The following PCDHA12 variants were observed in gnomAD, a reference collection of about 807,000 sequenced individuals.
PCDHA12 encodes the protein protocadherin alpha 12.
PCDHA12 carries 44 observed loss-of-function variants against 60.0 expected under a neutral mutation model. The ratio of observed to expected loss-of-function variants is 0.73; its 90% CI spans 0.58 to 0.94. The LOEUF (loss-of-function observed/expected upper bound fraction) is 0.94. PCDHA12 is among the 40% of genes least tolerant of loss of function. PCDHA12 has a pLI of 0.00. For missense variants in PCDHA12, 1,276 were observed against 1,239.7 expected, an observed-to-expected ratio of 1.03 and a Z score of -0.44; for synonymous variants, 569 against 553.0, an observed-to-expected ratio of 1.03 and a Z score of -0.40.
chr5:141,002,335 ACC>A (rs1554258611), intron 3 of PCDHA12, among the ~76,000 whole-genome samples: 81 of 152,230 alleles, frequency 5.3e-4, no homozygotes, highest in African/African-American at 2.0e-3. Flanking sequence ...CTGCATCCGC[ACC>A]CCTTCCCCCA....
At chr5:140,950,384 T>C (rs1242946878) in intron 1 of PCDHA12, among the ~76,000 whole-genome samples, 8 of 152,028 alleles carry the variant, frequency 5.3e-5, no homozygotes, top group Non-Finnish European at 8.8e-5. Context: ...TCCATTTGAA[T>C]GATATAGAAT....
At chr5:140,982,415 A>C (rs1291195577) in intron 2 of PCDHA12, 60 bp from the exon 3 acceptor site, 1 of 1,610,020 alleles carries the variant, frequency 6.2e-7, no homozygotes, top group African/African-American at 1.3e-5. Flanking sequence ...CTGAGGGTGG[A>C]AGAAGAGATG....
chr5:140,895,021 G>T (rs956122734), intron 1 of PCDHA12, among the ~76,000 whole-genome samples: 3 of 151,838 alleles, frequency 2.0e-5, no homozygotes, highest in Non-Finnish European at 4.4e-5. Context: ...TTTTTCCTTT[G>T]TTTAATTGTC....
At chr5:140,962,564 G>A (rs1224952009) in intron 1 of PCDHA12, among the ~76,000 whole-genome samples, 2 of 152,124 alleles carry the variant, frequency 1.3e-5, no homozygotes, top group Non-Finnish European at 2.9e-5. Context: ...CCCCCTAAAA[G>A]CCAATTGTTA....
chr5:140,895,309 C>A (rs1327911944), intron 1 of PCDHA12, among the ~76,000 whole-genome samples: 1 of 152,124 alleles, frequency 6.6e-6, no homozygotes, highest in African/African-American at 2.4e-5. Context: ...CCCCCTTCCA[C>A]CCATGACTAT....
At chr5:140,906,757 A>G (rs554698266) in intron 1 of PCDHA12, among the ~76,000 whole-genome samples, 2 of 152,346 alleles carry the variant, frequency 1.3e-5, no homozygotes, top group South Asian at 4.1e-4. Flanking sequence ...GCATGGTAAT[A>G]CTAAGAGACA....
intron 3 of PCDHA12, among the ~76,000 whole-genome samples, chr5:140,996,661 G>A (rs1554255301): frequency 6.6e-6 from 1 of 152,194 alleles, no homozygotes; most frequent in Admixed American, 6.5e-5. Context: ...GTGCAGGCTA[G>A]TTTTTGAACC....
At chr5:140,929,217 C>T (rs1183459158) in intron 1 of PCDHA12, 1 of 1,614,016 alleles carries the variant, frequency 6.2e-7, no homozygotes, top group Non-Finnish European at 8.5e-7. Flanking sequence ...GTGGGGAGTA[C>T]AATGCTGCCG....
At position 140,876,337 on chromosome 5, in the gene PCDHA12, G is replaced by T. The variant is rs1554168488; in HGVS notation, c.865G>T (p.Glu289Ter). The stretch of plus-strand genomic sequence containing the variant: ...GATCAAAATGATTTTGCCAGTGAGT[G>T]AGAAATGTATGTTTTCAATAAATCC... Reference protein sequence around the residue: ...YGIKMILPVSEKCMFSINPDT... With the variant: ...YGIKMILPVS The change falls in exon 1 of 4, where the codon GAG becomes TAG. Residue 289 changes from glutamate to a stop codon, truncating the protein, a stop_gained. Coordinates refer to ENST00000398631, the MANE Select transcript of PCDHA12 (RefSeq NM_018903.4). LOFTEE classifies it high-confidence loss of function. 1 of 1,614,016 alleles carries T rather than the reference G, an allele frequency of 6.2e-7. No homozygotes were observed. Among genetic ancestry groups the T allele is most frequent in the Admixed American group, 1.7e-5 (1 of 60,034 alleles).
At chr5:140,907,430 T>G (rs1554192988) in intron 1 of PCDHA12, among the ~76,000 whole-genome samples, 1 of 152,244 alleles carries the variant, frequency 6.6e-6, no homozygotes, top group Non-Finnish European at 1.5e-5. Context: ...TAAGGCATTC[T>G]GTGAGTCCAC....
At chr5:140,934,319 A>G (rs1292813425) in intron 1 of PCDHA12, among the ~76,000 whole-genome samples, 1 of 152,146 alleles carries the variant, frequency 6.6e-6, no homozygotes, top group Non-Finnish European at 1.5e-5. Context: ...CAAATGTCCA[A>G]TCATGAATGT....
rs574487083 is a variant in PCDHA12 at position 140,915,476 on chromosome 5, T to C, written c.2367+37637T>C. Among the ~76,000 whole-genome samples the C allele has an allele frequency of 2.0e-5, 3 of 152,296 alleles. No homozygotes were observed. The South Asian group carries it at 6.2e-4, about 32-fold the overall frequency. On this transcript the variant is annotated intron_variant, in intron 1 of 3. Transcript: ENST00000398631. ...CCAGAAGGTTTTTATTTGAAGGAGC[T>C]TGGGCCTCAATCCCAATAATACTGT...
intron 3 of PCDHA12, among the ~76,000 whole-genome samples, chr5:140,990,378 T>G (rs1554251448): frequency 6.6e-6 from 1 of 152,128 alleles, no homozygotes; most frequent in African/African-American, 2.4e-5. Context: ...GCAAATTTGT[T>G]GGTGATGTTC....
In PCDHA12 at chr5:140,882,158, C is replaced by T. The variant is rs2058980027; in HGVS notation, c.2367+4319C>T. ...GAAAATATAGCAGAAAGCGGAATAC[C>T]TCTTGCGAATCCTTCCGCACTAGGA... On this transcript the variant is annotated intron_variant, in intron 1 of 3. Coordinates refer to ENST00000398631, the MANE Select transcript of PCDHA12 (RefSeq NM_018903.4). The T allele has an allele frequency of 4.6e-6, 7 of 1,507,380 alleles. No homozygotes were observed. The South Asian group carries it at 8.2e-5, about 18-fold the overall frequency. 93.4% of individuals were successfully genotyped at this position (1,507,380 alleles called of 1,614,324 possible). A position where few individuals can be genotyped will look rare whatever the true frequency, so the allele number is the denominator to read the frequency against.
At chr5:140,908,706 T>C (rs2074108716) in intron 1 of PCDHA12, among the ~76,000 whole-genome samples, 1 of 152,132 alleles carries the variant, frequency 6.6e-6, no homozygotes, top group South Asian at 2.1e-4. Context: ...TCAAGCACCA[T>C]TGGATCTGCT....
chr5:140,966,499 A>AGCG (rs1178498918), intron 1 of PCDHA12: 4 of 431,834 alleles, frequency 9.3e-6, no homozygotes, highest in Non-Finnish European at 1.6e-5. Flanking sequence ...CTGGAGCTGT[A>AGCG]GCGGCAGCAG....
intron 1 of PCDHA12, chr5:140,884,505 G>A: frequency 6.2e-7 from 1 of 1,614,170 alleles, no homozygotes. Context: ...AGCGCGGCAG[G>A]GAGTTGGTCG....
In PCDHA12 at chr5:140,922,940, G is replaced by A. The variant is rs138846807; in HGVS notation, c.2367+45101G>A. 4.7e-3 allele frequency among the ~76,000 whole-genome samples: 717 copies of A among 152,280 alleles called. 4 individuals carry two copies. Among genetic ancestry groups the A allele is most frequent in the Middle Eastern group, 0.021 (6 of 292 alleles). On this transcript the variant is annotated intron_variant, in intron 1 of 3. Coordinates refer to ENST00000398631, the MANE Select transcript of PCDHA12 (RefSeq NM_018903.4). Reference sequence around the variant, plus strand: ...ACTTCAGACTTTTACTTCCAGCAATGGAAATCCAGTTTGTCTTCAGCCAGT... The same window carrying A: ...ACTTCAGACTTTTACTTCCAGCAATAGAAATCCAGTTTGTCTTCAGCCAGT...
intron 1 of PCDHA12, among the ~76,000 whole-genome samples, chr5:140,919,389 TG>T (rs2079114384): frequency 6.6e-6 from 1 of 152,242 alleles, no homozygotes; most frequent in African/African-American, 2.4e-5. Context: ...AGTTGGATGT[TG>T]TTTTCCTAAA....
Sources: allele counts gnomAD v4.1 joint callset (sites outside exome capture counted in the v4.1 genomes callset), GRCh38; gene constraint gnomAD v4.1.1; transcripts MANE v1.5; gene names NCBI Gene and HGNC (gene_info 2026-07-23, HGNC 2026-07-21).